ERC1: variants seen among roughly 807,000 people sequenced by gnomAD.
The protein encoded by ERC1 is RAB6 interacting protein 2.
In ERC1, 56 loss-of-function variants were observed where a neutral mutation model predicts 132.0. The ratio of observed to expected loss-of-function variants is 0.42; its 90% confidence interval spans 0.34 to 0.53. The LOEUF is 0.53. ERC1 is among the 20% of genes least tolerant of loss of function. The probability of loss-of-function intolerance (pLI) is 0.03; values close to 1 mark genes in which losing one functional copy is unlikely to be tolerated. For missense variants in ERC1, 1,202 were observed against 1,349.9 expected, an observed-to-expected ratio of 0.89 and a Z score of 1.72; for synonymous variants, 478 against 476.1, an observed-to-expected ratio of 1.00 and a Z score of -0.05.
intron 17 of ERC1, chr12:1,410,456 G>A: frequency 7.7e-7 from 1 of 1,293,434 alleles, no homozygotes; most frequent in Non-Finnish European, 1.0e-6. Context: ...TCAGAACGGT[G>A]AGAAACAGCT....
chr12:1,039,394 G>A (rs1464919840), intron 2 of ERC1, among the ~76,000 whole-genome samples: 2 of 151,220 alleles, frequency 1.3e-5, no homozygotes, highest in East Asian at 1.9e-4. Context: ...AGCTGGCATG[G>A]TGGTATGTGC....
intron 17 of ERC1, among the ~76,000 whole-genome samples, chr12:1,439,825 A>C (rs12310022): frequency 0.097 from 14,735 of 152,136 alleles, 1,732 homozygotes; most frequent in African/African-American, 0.29. Flanking sequence ...TTCCCTCTTG[A>C]GATTAGGCAG....
chr12:1,410,921 A>T (rs79885978), intron 17 of ERC1, among the ~76,000 whole-genome samples: 2 of 151,756 alleles, frequency 1.3e-5, no homozygotes, highest in East Asian at 3.9e-4. Flanking sequence ...TAAAAAAAAA[A>T]CTGTACTGTG....
chr12:1,066,263 G>A (rs1939164621), intron 2 of ERC1, among the ~76,000 whole-genome samples: 1 of 152,244 alleles, frequency 6.6e-6, no homozygotes, highest in African/African-American at 2.4e-5. Flanking sequence ...ATTGCCCTGT[G>A]TTGAGGATTT....
At chr12:1,017,495 A>ATTTTT (rs67654163) in intron 1 of ERC1, among the ~76,000 whole-genome samples, 20 of 124,900 alleles carry the variant, frequency 1.6e-4, no homozygotes, top group Admixed American at 2.5e-4. Flanking sequence ...TTGTTCTGGT[A>ATTTTT]TTTTTTTTTT....
intron 12 of ERC1, among the ~76,000 whole-genome samples, chr12:1,190,665 A>C (rs1168936481): frequency 3.3e-5 from 5 of 152,048 alleles, no homozygotes; most frequent in African/African-American, 7.2e-5. Context: ...GTCTCCTATA[A>C]TTTTTTTGGT....
chr12:1,434,371 A>G (rs1176861405), intron 17 of ERC1, among the ~76,000 whole-genome samples: 2 of 152,060 alleles, frequency 1.3e-5, no homozygotes, highest in African/African-American at 2.4e-5. Flanking sequence ...TCTCTTTTTT[A>G]CTATCAGTCA....
chr12:1,149,846 T>C (rs1351866390), intron 8 of ERC1, among the ~76,000 whole-genome samples: 3 of 152,234 alleles, frequency 2.0e-5, no homozygotes, highest in Admixed American at 6.5e-5. Context: ...TATTATTCTT[T>C]AGTTTTCATT....
chr12:1,163,005 G>A (rs2906110), intron 8 of ERC1, among the ~76,000 whole-genome samples: 44,758 of 151,980 alleles, frequency 0.29, 8,362 homozygotes, highest in African/African-American at 0.52. Context: ...AAAACAATGC[G>A]CAGTAAATGA....
chr12:1,432,889 CA>C lies in ERC1; in HGVS notation c.3025-11668del, dbSNP rs368793947. Among the ~76,000 whole-genome samples, 537 of 152,278 alleles carry C rather than the reference CA, an allele frequency of 3.5e-3. 4 individuals are homozygous for C. Among genetic ancestry groups the C allele is most frequent in the African/African-American group, 0.012 (504 of 41,556 alleles). On this transcript the variant is annotated intron_variant, in intron 17 of 18. Transcript: ENST00000360905. The stretch of plus-strand genomic sequence containing the variant: ...TGAGCGTAGCCTCTGGGTTAAAAAA[CA>C]AAAACCAAAAAAAACTTTTTTCACC...
intron 13 of ERC1, among the ~76,000 whole-genome samples, chr12:1,248,771 T>G (rs2076303408): frequency 6.6e-6 from 1 of 152,184 alleles, no homozygotes; most frequent in South Asian, 2.1e-4. Context: ...TGCTGTGCAG[T>G]TTTCTATGCT....
intron 16 of ERC1, among the ~76,000 whole-genome samples, chr12:1,388,966 A>G (rs372367653): frequency 6.6e-6 from 1 of 152,124 alleles, no homozygotes; most frequent in African/African-American, 2.4e-5. Flanking sequence ...CAGTAATCCA[A>G]TTCTACTAAA....
intron 8 of ERC1, among the ~76,000 whole-genome samples, chr12:1,155,822 A>T (rs893387674): frequency 6.6e-5 from 10 of 152,112 alleles, no homozygotes; most frequent in African/African-American, 2.2e-4. Flanking sequence ...GATTTAAAAA[A>T]TGACTTGTAT....
At chr12:1,472,991 G>T (rs1430545620) in intron 18 of ERC1, among the ~76,000 whole-genome samples, 1 of 152,094 alleles carries the variant, frequency 6.6e-6, no homozygotes, top group Non-Finnish European at 1.5e-5. Flanking sequence ...TTTGACTTTG[G>T]ATAGACAGAC....
At chr12:991,109 G>A (rs1959185805), upstream of ERC1, 2 of 151,428 alleles carry the variant, frequency 1.3e-5, no homozygotes, top group Admixed American at 6.6e-5. Context: ...CTCCCGGGAG[G>A]CTGAGGGAAA....
At chr12:1,008,378 C>T (rs1327307250) in intron 1 of ERC1, among the ~76,000 whole-genome samples, 5 of 152,140 alleles carry the variant, frequency 3.3e-5, no homozygotes, top group Non-Finnish European at 5.9e-5. Flanking sequence ...TTATTTAACA[C>T]AGTATGTCCA....
rs753719187 is a variant in ERC1, at chr12:1,296,010, G to GGAA, written c.2780+5998_2780+5999insGAA. Among the ~76,000 whole-genome samples the GGAA allele has an allele frequency of 1.4e-3, 127 of 90,498 alleles. 1 individual carries two copies. Among genetic ancestry groups the GGAA allele is most frequent in the Admixed American group, 1.1e-3 (9 of 7,884 alleles). 59.4% of individuals were successfully genotyped at this position (90,498 alleles called of 152,430 possible). On this transcript the variant is annotated intron_variant, in intron 15 of 18. Coordinates refer to ENST00000360905, the MANE Select transcript of ERC1 (RefSeq NM_178040.4). Reference sequence around the variant, plus strand: ...CTGAGGAGTCCTATTTGGTTTAACAGAAAAAAAAAAAAAAAACAACTAAAT... The same window carrying GGAA: ...CTGAGGAGTCCTATTTGGTTTAACAGGAAAAAAAAAAAAAAAAAACAACTAAAT...
At chr12:1,061,981 CT>C (rs1938043500) in intron 2 of ERC1, among the ~76,000 whole-genome samples, 1 of 140,586 alleles carries the variant, frequency 7.1e-6, no homozygotes, top group African/African-American at 2.7e-5. Flanking sequence ...TTTTTTTCTT[CT>C]TTTCTTCTTT....
At chr12:1,056,522 T>C (rs1270547965) in intron 2 of ERC1, among the ~76,000 whole-genome samples, 2 of 152,138 alleles carry the variant, frequency 1.3e-5, no homozygotes, top group Non-Finnish European at 2.9e-5. Flanking sequence ...ATGATTTACA[T>C]AGGGCATGAA....
Sources: gnomAD v4.1 joint callset for allele counts (sites outside exome capture counted in the v4.1 genomes callset) on GRCh38, gnomAD v4.1.1 for gene constraint, MANE v1.5 for transcripts, NCBI Gene and HGNC (gene_info 2026-07-23, HGNC 2026-07-21) for gene names.